The following AGAP1 variants were observed in gnomAD, a reference collection of about 807,000 sequenced individuals.
AGAP1 encodes the protein arf-GAP with GTPase, ANK repeat and PH domain-containing protein 1.
Under a neutral mutation model 105.3 loss-of-function variants are expected in AGAP1, and 29 were observed. The ratio of observed to expected loss-of-function variants is 0.28; its 90% CI spans 0.21 to 0.38. AGAP1 has a LOEUF of 0.38. AGAP1 is among the 10% of genes least tolerant of loss of function. The pLI, the probability that AGAP1 is intolerant of heterozygous loss-of-function variation, is 1.00. For missense variants in AGAP1, 998 were observed against 1,165.1 expected, an observed-to-expected ratio of 0.86 and a Z score of 2.09; for synonymous variants, 509 against 485.9, an observed-to-expected ratio of 1.05 and a Z score of -0.63.
chr2:235,506,417 G>A (rs1941815054), intron 1 of AGAP1, among the ~76,000 whole-genome samples: 1 of 152,042 alleles, frequency 6.6e-6, no homozygotes, highest in African/African-American at 2.4e-5. Context: ...TACTTGAGTG[G>A]CTGAGGCAGG....
rs115463346 is a variant in AGAP1 at position 235,752,209 on chromosome 2, A to C, written c.673+1721A>C. ...CTTCTTTTTTTTGGAGACAGAGTCT[A>C]GCTCTTTGCCCAGGCTGGAGTGCAA... On this transcript the variant is annotated intron_variant, in intron 6 of 17. Coordinates refer to ENST00000304032, the MANE Select transcript of AGAP1 (RefSeq NM_001037131.3). The surrounding 1 kb of genome is among the most constrained non-coding windows in gnomAD (Gnocchi z 4.3). Among the ~76,000 whole-genome samples the C allele has an allele frequency of 0.021, 3,254 of 152,188 alleles. 100 individuals are homozygous for C. Among genetic ancestry groups the C allele is most frequent in the African/African-American group, 0.067 (2,798 of 41,522 alleles).
intron 1 of AGAP1, among the ~76,000 whole-genome samples, chr2:235,581,426 G>A (rs1369206183): frequency 6.7e-6 from 1 of 150,156 alleles, no homozygotes; most frequent in Non-Finnish European, 1.5e-5. Flanking sequence ...ATTCAATCAT[G>A]AAGAAGATTG....
At chr2:236,007,374 C>CACCCGCT (rs1178741770) in intron 13 of AGAP1, among the ~76,000 whole-genome samples, 1 of 152,216 alleles carries the variant, frequency 6.6e-6, no homozygotes, top group East Asian at 1.9e-4. Context: ...TGTATCATTT[C>CACCCGCT]ACCCGCTGTA....
chr2:235,968,597 C>T lies in AGAP1; in HGVS notation c.1619C>T (p.Ala540Val), dbSNP rs1378991116. 3 of 1,591,596 alleles carry T rather than the reference C, an allele frequency of 1.9e-6. No homozygotes were observed. In the South Asian group the frequency reaches 3.3e-5, roughly 18 times the overall value. ...AAGAAAAGCACTAGCAACTTCAAAG[C>T]CGACGGCCTGTCCGGCACTGCTGAA... ...RRKKSTSNFKADGLSGTAEEQ... is the reference protein window; with the variant it reads ...RRKKSTSNFKVDGLSGTAEEQ... The change falls in exon 13 of 18, where the codon GCC becomes GTC. Residue 540 changes from alanine to valine, a missense_variant. This residue lies in a region of AGAP1 where 735 missense variants were observed against 833.4 expected (regional missense o/e 0.88). Coordinates refer to ENST00000304032, the MANE Select transcript of AGAP1 (RefSeq NM_001037131.3).
intron 1 of AGAP1, among the ~76,000 whole-genome samples, chr2:235,499,410 T>C (rs892327854): frequency 2.0e-5 from 3 of 152,244 alleles, no homozygotes; most frequent in African/African-American, 7.2e-5. Context: ...AAACATTTTC[T>C]TCCTGCTGTG....
Position 236,005,633 on chromosome 2 carries a change from A to G in AGAP1, c.1646-30928A>G, listed in dbSNP as rs2056296924. ...TCCTTAGCCTTCTCTTGGCTGGGAC[A>G]TTTTCTCAGACTTTTCCTGTCTTTG... On this transcript the variant is annotated intron_variant, in intron 13 of 17. Coordinates refer to ENST00000304032, the MANE Select transcript of AGAP1 (RefSeq NM_001037131.3). This position sits in a 1 kb window ranked among gnomAD's most constrained non-coding sequence, Gnocchi z 4.1. Among the ~76,000 whole-genome samples the G allele has an allele frequency of 6.6e-6, 1 of 152,010 alleles. No individual in the cohort carries two copies. The highest frequency in any genetic ancestry group is 2.4e-5 in the African/African-American group (1 of 41,380).
intron 11 of AGAP1, among the ~76,000 whole-genome samples, chr2:235,924,178 G>T (rs911228147): frequency 2.0e-5 from 3 of 152,110 alleles, no homozygotes; most frequent in Non-Finnish European, 1.5e-5. Flanking sequence ...AGTATCTTAA[G>T]GTAGTATCTT....
rs997136223 is a variant in AGAP1, at chr2:236,095,964, C to T, written c.2115-24228C>T. 2.0e-5 allele frequency among the ~76,000 whole-genome samples: 3 copies of T among 152,160 alleles called. No homozygotes were observed. Among genetic ancestry groups the T allele is most frequent in the East Asian group, 1.9e-4 (1 of 5,194 alleles). The stretch of plus-strand genomic sequence containing the variant: ...AGAAATTCTTCCGTGATTCAGGGTT[C>T]GCCAACATGAGTTATTTCCCATTAA... On this transcript the variant is annotated intron_variant, in intron 16 of 17. Coordinates refer to ENST00000304032, the MANE Select transcript of AGAP1 (RefSeq NM_001037131.3). The surrounding 1 kb of genome is among the most constrained non-coding windows in gnomAD (Gnocchi z 4.1).
At chr2:236,085,771 A>G (rs949996638) in intron 16 of AGAP1, among the ~76,000 whole-genome samples, 3 of 152,228 alleles carry the variant, frequency 2.0e-5, no homozygotes, top group Admixed American at 6.5e-5. Flanking sequence ...TTTCCAGGCC[A>G]AGGAGCTGCC....
At chr2:235,545,729 T>C (rs1943602524) in intron 1 of AGAP1, among the ~76,000 whole-genome samples, 1 of 152,242 alleles carries the variant, frequency 6.6e-6, no homozygotes, top group African/African-American at 2.4e-5. Flanking sequence ...TCCTGTCACC[T>C]GCAGTGGCAT....
rs1360772247 is a variant in AGAP1, at chr2:235,751,554, C to T, written c.673+1066C>T. ...GCAGGACTGTTCCCGGGACTTCCTC[C>T]AAATGGGGCAATTTTCTATTACATG... On this transcript the variant is annotated intron_variant, in intron 6 of 17. Coordinates refer to ENST00000304032, the MANE Select transcript of AGAP1 (RefSeq NM_001037131.3). This position sits in a 1 kb window ranked among gnomAD's most constrained non-coding sequence, Gnocchi z 5.3. Among the ~76,000 whole-genome samples the T allele has an allele frequency of 2.6e-5, 4 of 152,142 alleles. No homozygotes were observed. Among genetic ancestry groups the T allele is most frequent in the African/African-American group, 9.7e-5 (4 of 41,420 alleles).
rs1179380412 is a variant in AGAP1 at position 235,549,477 on chromosome 2, G to T, written c.163+54628G>T. 6.6e-6 allele frequency among the ~76,000 whole-genome samples: 1 copy of T among 152,144 alleles called. No homozygotes were observed. Among genetic ancestry groups the T allele is most frequent in the Non-Finnish European group, 1.5e-5 (1 of 68,024 alleles). On this transcript the variant is annotated intron_variant, in intron 1 of 17. Coordinates refer to ENST00000304032, the MANE Select transcript of AGAP1 (RefSeq NM_001037131.3). The surrounding 1 kb of genome is among the most constrained non-coding windows in gnomAD (Gnocchi z 4.2). ...GTTCATCAGCCAGCATGAGACCCTCGCTTCCAGCCTGTGCCTTTAGCCCAG... is the reference window on the plus strand; with the variant it reads ...GTTCATCAGCCAGCATGAGACCCTCTCTTCCAGCCTGTGCCTTTAGCCCAG...
In AGAP1 at chr2:236,116,186, C is replaced by T. The variant is rs543644333; in HGVS notation, c.2115-4006C>T. ...GGAGTGCAATGGCGCAATCTTGGCT[C>T]ACTGCATCCTCCACCCTCCACAAGG... is the stretch of plus-strand genomic sequence containing the variant. On this transcript the variant is annotated intron_variant, in intron 16 of 17. Transcript: ENST00000304032. Among the ~76,000 whole-genome samples the T allele has an allele frequency of 2.0e-5, 3 of 152,256 alleles. No individual in the cohort carries two copies. In the East Asian group the frequency reaches 5.8e-4, roughly 29 times the overall value.
chr2:235,919,258 C>A lies in AGAP1; in HGVS notation c.1324+10352C>A, dbSNP rs1000221554. Among the ~76,000 whole-genome samples the A allele has an allele frequency of 5.3e-5, 8 of 152,192 alleles. No homozygotes were observed. The highest frequency in any genetic ancestry group is 1.2e-4 in the Non-Finnish European group (8 of 68,030). ...TGGTTCTTCCAGGCTAGAGTTGAGT[C>A]CGTGGCTTCCCTGCTTCCTGCAGTC... is the stretch of plus-strand genomic sequence containing the variant. On this transcript the variant is annotated intron_variant, in intron 11 of 17. Coordinates refer to ENST00000304032, the MANE Select transcript of AGAP1 (RefSeq NM_001037131.3). This position sits in a 1 kb window ranked among gnomAD's most constrained non-coding sequence, Gnocchi z 4.1.
At chr2:235,969,702 A>C (rs1336016895) in intron 13 of AGAP1, among the ~76,000 whole-genome samples, 1 of 152,190 alleles carries the variant, frequency 6.6e-6, no homozygotes, top group Non-Finnish European at 1.5e-5. Context: ...GTGTGTTAGC[A>C]GGGAAGGGGC....
rs2056633304 is a variant in AGAP1, at chr2:236,014,705, T to G, written c.1646-21856T>G. The G allele has an allele frequency of 2.8e-6, 1 of 362,898 alleles. No homozygotes were observed. The highest frequency in any genetic ancestry group is 3.8e-5 in the Admixed American group (1 of 26,364). The allele number at this position is 362,898 out of a possible 1,614,324, so 22.5% of individuals were successfully genotyped here. A position where few individuals can be genotyped will look rare whatever the true frequency, so the allele number is the denominator to read the frequency against. ...CAGACAGCTCGGAGGCAACGTCACG[T>G]GCTACTTTGACCTTTTTTTTTCTCC... On this transcript the variant is annotated intron_variant, in intron 13 of 17. Coordinates refer to ENST00000304032, the MANE Select transcript of AGAP1 (RefSeq NM_001037131.3). This position sits in a 1 kb window ranked among gnomAD's most constrained non-coding sequence, Gnocchi z 6.3.
At position 235,905,521 on chromosome 2, in the gene AGAP1, CAG is replaced by C. The variant is rs766215809; in HGVS notation, c.1156-3214_1156-3213del. On this transcript the variant is annotated intron_variant, in intron 10 of 17. Transcript: ENST00000304032. The surrounding 1 kb of genome is among the most constrained non-coding windows in gnomAD (Gnocchi z 4.2). ...TTTCTCTTTTCTTTTCTTTTTGAGA[CAG>C]AGTTTCCCTCTTGTCGCTTAGGCTG... Among the ~76,000 whole-genome samples the C allele has an allele frequency of 4.1e-4, 62 of 152,244 alleles. No individual in the cohort carries two copies. In the East Asian group the frequency reaches 5.2e-3, roughly 13 times the overall value.
rs189935338 is a variant in AGAP1 at position 235,908,824 on chromosome 2, G to T, written c.1242G>T (p.Thr414=). The T allele has an allele frequency of 6.2e-7, 1 of 1,613,974 alleles. No individual in the cohort carries two copies. The highest frequency in any genetic ancestry group is 8.5e-7 in the Non-Finnish European group (1 of 1,180,014). ...KVPGKRPPRA[T]SACAPISSPK... is the part of the protein sequence containing the mutation. ...CAGGGAAGAGGCCACCCCGAGCCAC[G>T]TCAGCCTGCGCACCCATCTCCAGCC... Residue 414 remains threonine (T), a synonymous_variant, in exon 11 of 18, where the codon ACG becomes ACT. Coordinates refer to ENST00000304032, the MANE Select transcript of AGAP1 (RefSeq NM_001037131.3). This position sits in a 1 kb window ranked among gnomAD's most constrained non-coding sequence, Gnocchi z 4.4.
intron 1 of AGAP1, among the ~76,000 whole-genome samples, chr2:235,571,155 A>G (rs1378802579): frequency 1.3e-5 from 2 of 152,132 alleles, no homozygotes; most frequent in East Asian, 3.9e-4. Flanking sequence ...CAGGAACAGC[A>G]CCAAGGGGAC....
Sources: gnomAD v4.1 joint callset for allele counts (sites outside exome capture counted in the v4.1 genomes callset) on GRCh38, gnomAD v4.1.1 for gene constraint, gnomAD v4.1.1 regional missense constraint, Gnocchi (gnomAD v3.1) non-coding constraint, MANE v1.5 for transcripts, NCBI Gene and HGNC (gene_info 2026-07-23, HGNC 2026-07-21) for gene names.